CCSER1: variants seen among roughly 807,000 people sequenced by gnomAD.
CCSER1 encodes serine-rich coiled-coil domain-containing protein 1.
Under a neutral mutation model 82.0 loss-of-function variants are expected in CCSER1, and 41 were observed. The ratio of observed to expected loss-of-function variants is 0.50; its 90% confidence interval spans 0.39 to 0.65. CCSER1 has a LOEUF of 0.65. CCSER1 is among the 30% of genes least tolerant of loss of function. The pLI is 0.00. For missense variants in CCSER1, 1,119 were observed against 1,064.2 expected, an observed-to-expected ratio of 1.05 and a Z score of -0.72; for synonymous variants, 414 against 383.9, an observed-to-expected ratio of 1.08 and a Z score of -0.92.
At chr4:91,258,006 G>A (rs1740829460) in intron 10 of CCSER1, among the ~76,000 whole-genome samples, 4 of 152,056 alleles carry the variant, frequency 2.6e-5, no homozygotes, top group Admixed American at 2.0e-4. Flanking sequence ...TTCTCCACAA[G>A]TAAGAGAAAG....
intron 6 of CCSER1, among the ~76,000 whole-genome samples, chr4:90,647,678 A>T (rs778704652): frequency 3.3e-5 from 5 of 152,224 alleles, no homozygotes; most frequent in South Asian, 2.1e-4. Context: ...CAAAATATAT[A>T]CTTTAAAATA....
chr4:91,298,417 C>G (rs928106143), intron 10 of CCSER1, among the ~76,000 whole-genome samples: 1 of 151,980 alleles, frequency 6.6e-6, no homozygotes, highest in African/African-American at 2.4e-5. Context: ...TGTCAGCCAC[C>G]ATTCCTGCTA....
chr4:90,636,890 T>C (rs923282811), intron 6 of CCSER1, among the ~76,000 whole-genome samples: 2 of 152,140 alleles, frequency 1.3e-5, no homozygotes, highest in African/African-American at 4.8e-5. Context: ...AAACTGCATG[T>C]ATGAGCAGAT....
chr4:90,492,765 T>G (rs534484441), intron 5 of CCSER1, among the ~76,000 whole-genome samples: 1 of 152,328 alleles, frequency 6.6e-6, no homozygotes, highest in African/African-American at 2.4e-5. Context: ...TCTGCCTTCA[T>G]TTTGTTATGT....
intron 7 of CCSER1, among the ~76,000 whole-genome samples, chr4:90,790,556 T>TC (rs1209324574): frequency 7.0e-6 from 1 of 143,112 alleles, no homozygotes; most frequent in Non-Finnish European, 1.5e-5. Flanking sequence ...ACATTTTTTT[T>TC]CCCCCCAGAA....
rs543569106 is a variant in CCSER1 at position 91,573,490 on chromosome 4, A to G, written c.2218-25082A>G. 2.6e-5 allele frequency among the ~76,000 whole-genome samples: 4 copies of G among 152,268 alleles called. No homozygotes were observed. The South Asian group carries it at 6.2e-4, about 24-fold the overall frequency. On this transcript the variant is annotated intron_variant, in intron 10 of 10. Coordinates refer to ENST00000509176, the MANE Select transcript of CCSER1 (RefSeq NM_001145065.2). ...AGTGGCTTCTCTGCCAAGAGTCTGC[A>G]TAGCTCTGTCAGATTGAAGGCCCTG... is the stretch of plus-strand genomic sequence containing the variant.
intron 1 of CCSER1, among the ~76,000 whole-genome samples, chr4:90,208,932 C>T (rs115600635): frequency 1.8e-3 from 280 of 152,242 alleles, no homozygotes; most frequent in African/African-American, 6.2e-3. Context: ...AGCTGCAGAC[C>T]GGAGCCGTTC....
intron 10 of CCSER1, among the ~76,000 whole-genome samples, chr4:91,354,034 A>G (rs1308262866): frequency 6.6e-6 from 1 of 152,224 alleles, no homozygotes; most frequent in African/African-American, 2.4e-5. Flanking sequence ...GCAAGTAGTA[A>G]GAGCTAGTCT....
chr4:91,087,541 G>A (rs1246745903), intron 10 of CCSER1, among the ~76,000 whole-genome samples: 1 of 151,982 alleles, frequency 6.6e-6, no homozygotes, highest in Non-Finnish European at 1.5e-5. Context: ...AATTTTAGAA[G>A]TATATTGTTC....
intron 8 of CCSER1, among the ~76,000 whole-genome samples, chr4:90,870,240 G>A (rs1460022516): frequency 6.6e-6 from 1 of 151,916 alleles, no homozygotes; most frequent in African/African-American, 2.4e-5. Flanking sequence ...TTGAATAACA[G>A]TGGTGAAAGT....
At chr4:90,919,379 T>C (rs1728047905) in intron 8 of CCSER1, among the ~76,000 whole-genome samples, 1 of 151,866 alleles carries the variant, frequency 6.6e-6, no homozygotes, top group Non-Finnish European at 1.5e-5. Flanking sequence ...GTGTGATATT[T>C]ACCAACTGAT....
At chr4:90,411,718 G>T (rs930437441) in intron 4 of CCSER1, among the ~76,000 whole-genome samples, 3 of 152,172 alleles carry the variant, frequency 2.0e-5, no homozygotes, top group African/African-American at 7.2e-5. Context: ...GCACAAGACA[G>T]GGATGCCCTC....
intron 4 of CCSER1, among the ~76,000 whole-genome samples, chr4:90,449,281 T>G (rs1761112995): frequency 6.6e-6 from 1 of 152,140 alleles, no homozygotes; most frequent in Admixed American, 6.5e-5. Context: ...AGTCTGGGGT[T>G]TTTATGGACT....
intron 4 of CCSER1, among the ~76,000 whole-genome samples, chr4:90,426,918 C>T (rs1260332076): frequency 6.6e-6 from 1 of 151,948 alleles, no homozygotes; most frequent in Non-Finnish European, 1.5e-5. Context: ...AATGAAAATA[C>T]TGAACAAAAC....
intron 5 of CCSER1, among the ~76,000 whole-genome samples, chr4:90,602,075 A>G (rs1784100437): frequency 1.3e-5 from 2 of 152,258 alleles, no homozygotes; most frequent in South Asian, 2.1e-4. Context: ...CTAGTCTTCT[A>G]CATTCTTATA....
At chr4:91,474,759 A>ATG (rs377008850) in intron 10 of CCSER1, among the ~76,000 whole-genome samples, 24 of 69,430 alleles carry the variant, frequency 3.5e-4, no homozygotes, top group African/African-American at 1.2e-3. Context: ...ACACACACAC[A>ATG]TGTGTGTGTA....
At position 91,442,049 on chromosome 4, in the gene CCSER1, A is replaced by C. The variant is rs1250044501; in HGVS notation, c.2218-156523A>C. ...ATCATGAAAATGACCATACTGCCCA[A>C]GGTAATTTATAGATTCAATGCCATC... is the stretch of plus-strand genomic sequence containing the variant. On this transcript the variant is annotated intron_variant, in intron 10 of 10. Coordinates refer to ENST00000509176, the MANE Select transcript of CCSER1 (RefSeq NM_001145065.2). 9.9e-5 allele frequency among the ~76,000 whole-genome samples: 15 copies of C among 152,258 alleles called. No individual in the cohort carries two copies. In the East Asian group the frequency reaches 2.7e-3, roughly 27 times the overall value.
chr4:91,176,439 A>T (rs1733370641), intron 10 of CCSER1, among the ~76,000 whole-genome samples: 1 of 152,180 alleles, frequency 6.6e-6, no homozygotes, highest in Admixed American at 6.5e-5. Context: ...CACGATATTG[A>T]TTCTTCCTAT....
intron 10 of CCSER1, among the ~76,000 whole-genome samples, chr4:91,241,479 CCA>C (rs554340590): frequency 2.3e-3 from 347 of 148,748 alleles, no homozygotes; most frequent in Non-Finnish European, 3.2e-3. Flanking sequence ...ACGCCAGCCA[CCA>C]CGCCCGGCTA....
Sources: gnomAD v4.1 joint callset for allele counts (sites outside exome capture counted in the v4.1 genomes callset) on GRCh38, gnomAD v4.1.1 for gene constraint, MANE v1.5 for transcripts, NCBI Gene and HGNC (gene_info 2026-07-23, HGNC 2026-07-21) for gene names.